The following DCC variants were observed in gnomAD, a reference collection of about 807,000 sequenced individuals.
The protein encoded by DCC is netrin receptor DCC.
In DCC, 58 loss-of-function variants were observed where a neutral mutation model predicts 172.5. The ratio of observed to expected loss-of-function variants is 0.34; its 90% CI spans 0.27 to 0.42. The LOEUF is 0.42. DCC is among the 10% of genes least tolerant of loss of function. The pLI is 1.00. For missense variants in DCC, 1,740 were observed against 1,791.0 expected (o/e 0.97, Z 0.51); for synonymous variants, 709 against 644.5 (o/e 1.10, Z -1.52).
At chr18:52,525,939 A>G (rs2031968664) in intron 1 of DCC, among the ~76,000 whole-genome samples, 1 of 152,222 alleles carries the variant, frequency 6.6e-6, no homozygotes, top group South Asian at 2.1e-4. Flanking sequence ...TTTCTGCTCA[A>G]CCTAACACCC....
At chr18:52,899,574 C>G (rs985424056) in intron 2 of DCC, among the ~76,000 whole-genome samples, 6 of 151,858 alleles carry the variant, frequency 4.0e-5, no homozygotes, top group Non-Finnish European at 8.8e-5. Context: ...AGGCTGGTCT[C>G]GAACTCCGGA....
chr18:52,652,928 C>T (rs184469066), intron 1 of DCC, among the ~76,000 whole-genome samples: 13 of 152,104 alleles, frequency 8.5e-5, no homozygotes, highest in Admixed American at 8.5e-4. Context: ...GTTCTGAGGA[C>T]ACAGAGAATA....
At chr18:52,804,491 T>G (rs546179506) in intron 2 of DCC, among the ~76,000 whole-genome samples, 47 of 152,300 alleles carry the variant, frequency 3.1e-4, no homozygotes, top group Non-Finnish European at 5.4e-4. Flanking sequence ...CATCGGTTTA[T>G]AGACAAAAAA....
At chr18:52,967,488 T>C (rs2145579625) in intron 5 of DCC, among the ~76,000 whole-genome samples, 1 of 152,350 alleles carries the variant, frequency 6.6e-6, no homozygotes, top group South Asian at 2.1e-4. Flanking sequence ...TGGGTCATTT[T>C]ATTTCTGTAT....
At chr18:53,171,254 G>A (rs556626922) in intron 8 of DCC, among the ~76,000 whole-genome samples, 1 of 152,200 alleles carries the variant, frequency 6.6e-6, no homozygotes, top group African/African-American at 2.4e-5. Context: ...ACATAAAATT[G>A]AAATGGTTAG....
intron 15 of DCC, among the ~76,000 whole-genome samples, chr18:53,375,240 TCTTTATA>T (rs771639121): frequency 0.3 from 45,116 of 151,990 alleles, 8,575 homozygotes; most frequent in Non-Finnish European, 0.44. Context: ...TGTATCTTTA[TCTTTATA>T]GTTCTTTCTG....
intron 1 of DCC, among the ~76,000 whole-genome samples, chr18:52,698,312 TG>T (rs1377690976): frequency 6.6e-6 from 1 of 152,222 alleles, no homozygotes; most frequent in Non-Finnish European, 1.5e-5. Flanking sequence ...AGAAATTGTT[TG>T]GTATGATTCT....
At chr18:53,226,948 A>ATATATATATATATATTTTT in intron 12 of DCC, among the ~76,000 whole-genome samples, 23 of 52,946 alleles carry the variant, frequency 4.3e-4, no homozygotes, top group African/African-American at 1.9e-3. Context: ...ATATATATAT[A>ATATATATATATATATTTTT]TTTTTTTTTT....
chr18:53,111,297 C>T (rs1187293149), intron 7 of DCC, among the ~76,000 whole-genome samples: 3 of 148,140 alleles, frequency 2.0e-5, no homozygotes, highest in Admixed American at 6.7e-5. Flanking sequence ...ATACCTAATG[C>T]TAAATGACAA....
chr18:53,015,325 T>C (rs770697391), intron 5 of DCC, among the ~76,000 whole-genome samples: 2 of 152,230 alleles, frequency 1.3e-5, no homozygotes, highest in Non-Finnish European at 1.5e-5. Flanking sequence ...ATAAGCTTTA[T>C]GCATTTAGCC....
chr18:53,201,107 C>T (rs537924090), intron 9 of DCC, among the ~76,000 whole-genome samples: 2 of 152,292 alleles, frequency 1.3e-5, no homozygotes, highest in African/African-American at 4.8e-5. Flanking sequence ...ACTTCCCACA[C>T]ACTGCCTCCC....
intron 5 of DCC, among the ~76,000 whole-genome samples, chr18:53,003,916 G>C (rs769347505): frequency 2.7e-4 from 41 of 152,184 alleles, no homozygotes; most frequent in Non-Finnish European, 4.9e-4. Context: ...TCTACAAGGT[G>C]TATCAGGCTT....
At chr18:52,581,603 T>G (rs1027775818) in intron 1 of DCC, among the ~76,000 whole-genome samples, 3 of 152,074 alleles carry the variant, frequency 2.0e-5, no homozygotes, top group African/African-American at 7.2e-5. Context: ...TCTATACATG[T>G]CACTTTTTCT....
At position 52,906,338 on chromosome 18, in the gene DCC, T is replaced by C; in HGVS notation, c.697+10T>C. 1 of 1,613,396 alleles carries C rather than the reference T, an allele frequency of 6.2e-7. No individual in the cohort carries two copies. Among genetic ancestry groups the C allele is most frequent in the South Asian group, 1.1e-5 (1 of 91,070 alleles). Reference sequence around the variant, plus strand: ...GTCAGAATTTTATCAGGTATTGCAATGCTCTTTGTTGCCTTCAGAATGATA... The same window carrying C: ...GTCAGAATTTTATCAGGTATTGCAACGCTCTTTGTTGCCTTCAGAATGATA... On this transcript the variant is annotated intron_variant, in intron 3 of 28. Coordinates refer to ENST00000442544, the MANE Select transcript of DCC (RefSeq NM_005215.4).
intron 1 of DCC, among the ~76,000 whole-genome samples, chr18:52,748,365 A>G (rs2036941007): frequency 6.6e-6 from 1 of 152,220 alleles, no homozygotes; most frequent in Non-Finnish European, 1.5e-5. Flanking sequence ...TTGTTCCCGT[A>G]GCCCAGCAAA....
intron 1 of DCC, among the ~76,000 whole-genome samples, chr18:52,642,079 T>C (rs202085057): frequency 0.53 from 52,634 of 99,972 alleles, 11,658 homozygotes; most frequent in East Asian, 0.71. Flanking sequence ...TATATATATA[T>C]ACACACACAC....
intron 1 of DCC, among the ~76,000 whole-genome samples, chr18:52,433,050 T>C (rs913089188): frequency 1.1e-4 from 16 of 152,188 alleles, no homozygotes; most frequent in African/African-American, 3.9e-4. Flanking sequence ...TATTAGAACA[T>C]CAAATGAGAT....
At chr18:53,162,038 C>A (rs983899500) in intron 8 of DCC, among the ~76,000 whole-genome samples, 1 of 152,070 alleles carries the variant, frequency 6.6e-6, no homozygotes, top group African/African-American at 2.4e-5. Context: ...GTGGCTCACG[C>A]CTGTAATCCC....
chr18:52,889,747 T>C (rs184364263), intron 2 of DCC, among the ~76,000 whole-genome samples: 26 of 152,256 alleles, frequency 1.7e-4, no homozygotes, highest in Non-Finnish European at 2.8e-4. Context: ...ATTACCATAA[T>C]GAATTTTTCA....
Sources: gnomAD v4.1 joint callset for allele counts (sites outside exome capture counted in the v4.1 genomes callset) on GRCh38, gnomAD v4.1.1 for gene constraint, MANE v1.5 for transcripts, NCBI Gene and HGNC (gene_info 2026-07-23, HGNC 2026-07-21) for gene names.